Variants in TMEM132C observed in about 807,000 individuals in gnomAD.
TMEM132C encodes the protein transmembrane protein 132C, also known as protein phosphatase 1, regulatory subunit 152.
A neutral mutation model predicts 61.4 loss-of-function variants in TMEM132C; 29 were observed. The observed-to-expected ratio is 0.47, with a 90% confidence interval of 0.35 to 0.64. TMEM132C has a LOEUF of 0.64. Ranked by LOEUF, TMEM132C falls within the 30% of genes least tolerant of loss-of-function variation. The pLI is 0.00. For missense variants in TMEM132C, 1,408 were observed against 1,476.9 expected (o/e 0.95, Z 0.76); for synonymous variants, 656 against 633.1 (o/e 1.04, Z -0.54).
intron 1 of TMEM132C, among the ~76,000 whole-genome samples, chr12:128,398,741 T>C (rs1875047735): frequency 6.6e-6 from 1 of 152,132 alleles, no homozygotes; most frequent in South Asian, 2.1e-4. Context: ...ATAGGGATGT[T>C]GAAAGTACAA....
intron 2 of TMEM132C, among the ~76,000 whole-genome samples, chr12:128,464,279 G>C (rs976608537): frequency 6.6e-6 from 1 of 152,156 alleles, no homozygotes; most frequent in Non-Finnish European, 1.5e-5. Flanking sequence ...ACACCAGCAC[G>C]GCAAGGACTG....
At chr12:128,445,997 G>A (rs532022855) in intron 2 of TMEM132C, among the ~76,000 whole-genome samples, 1 of 152,284 alleles carries the variant, frequency 6.6e-6, no homozygotes, top group African/African-American at 2.4e-5. Flanking sequence ...TCATCATGCG[G>A]CATTTTCCTT....
intron 4 of TMEM132C, among the ~76,000 whole-genome samples, chr12:128,648,232 A>T (rs1376782248): frequency 6.6e-6 from 1 of 150,562 alleles, no homozygotes; most frequent in African/African-American, 2.5e-5. Flanking sequence ...ACTAGATCCC[A>T]TCAGTGTTGG....
In TMEM132C at chr12:128,570,616, C is replaced by T. The variant is rs1874844310; in HGVS notation, c.1121+26513C>T. Among the ~76,000 whole-genome samples the T allele has an allele frequency of 6.6e-6, 1 of 152,078 alleles. No individual in the cohort carries two copies. Among genetic ancestry groups the T allele is most frequent in the African/African-American group, 2.4e-5 (1 of 41,394 alleles). On this transcript the variant is annotated intron_variant, in intron 3 of 8. Transcript: ENST00000435159. The surrounding 1 kb of genome is among the most constrained non-coding windows in gnomAD (Gnocchi z 4.7). ...TAGGCTGTGGCTGGCTCAGTGTCTC[C>T]ACAACGCCAGGGGACCCAGGCTCCT...
At chr12:128,629,710 G>A (rs1954049703) in intron 4 of TMEM132C, among the ~76,000 whole-genome samples, 1 of 152,178 alleles carries the variant, frequency 6.6e-6, no homozygotes, top group Non-Finnish European at 1.5e-5. Context: ...GCTCACGCCT[G>A]TAATCCCAGC....
chr12:128,558,634 G>A (rs958837229), intron 3 of TMEM132C, among the ~76,000 whole-genome samples: 1 of 152,244 alleles, frequency 6.6e-6, no homozygotes, highest in Non-Finnish European at 1.5e-5. Flanking sequence ...CAACCACTGA[G>A]CTATACTGCC....
intron 2 of TMEM132C, among the ~76,000 whole-genome samples, chr12:128,471,254 ATCGCCC>A (rs1025816478): frequency 2.6e-5 from 4 of 152,186 alleles, no homozygotes; most frequent in Non-Finnish European, 4.4e-5. Flanking sequence ...TTGGGGGAAA[ATCGCCC>A]TCAGTGGACA....
intron 2 of TMEM132C, among the ~76,000 whole-genome samples, chr12:128,465,771 AAGGTGC>A (rs1252919951): frequency 2.0e-5 from 3 of 152,206 alleles, no homozygotes; most frequent in African/African-American, 7.2e-5. Context: ...GCCACGCGTT[AAGGTGC>A]AGAACCTGAC....
At chr12:128,325,553 G>C (rs781451056) in intron 1 of TMEM132C, among the ~76,000 whole-genome samples, 6 of 152,124 alleles carry the variant, frequency 3.9e-5, no homozygotes, top group Non-Finnish European at 8.8e-5. Flanking sequence ...TATATACAGA[G>C]TGTATATTCT....
At chr12:128,596,166 G>A (rs1381830679) in intron 3 of TMEM132C, among the ~76,000 whole-genome samples, 4 of 149,720 alleles carry the variant, frequency 2.7e-5, no homozygotes, top group East Asian at 4.0e-4. Flanking sequence ...GAGGTGGCAC[G>A]GCTTGACTGA....
At chr12:128,690,123 C>A (rs755776327) in intron 5 of TMEM132C, among the ~76,000 whole-genome samples, 6 of 152,164 alleles carry the variant, frequency 3.9e-5, no homozygotes, top group Admixed American at 3.9e-4. Context: ...CTCACGTGAC[C>A]CCACCGTCCC....
chr12:128,536,511 C>G (rs956340721), intron 2 of TMEM132C, among the ~76,000 whole-genome samples: 5 of 145,782 alleles, frequency 3.4e-5, no homozygotes, highest in Middle Eastern at 3.2e-3. Context: ...CACGTGTACC[C>G]TAGAACTTAA....
At chr12:128,586,718 G>A (rs7308378) in intron 3 of TMEM132C, among the ~76,000 whole-genome samples, 1 of 152,194 alleles carries the variant, frequency 6.6e-6, no homozygotes. Context: ...AAGCCAGCAC[G>A]GGAAGGAAGA....
At chr12:128,604,628 A>AAGAT (rs1242637712) in intron 3 of TMEM132C, among the ~76,000 whole-genome samples, 1 of 152,086 alleles carries the variant, frequency 6.6e-6, no homozygotes, top group Non-Finnish European at 1.5e-5. Flanking sequence ...AAATGGATGG[A>AAGAT]AGATAGATAA....
intron 1 of TMEM132C, among the ~76,000 whole-genome samples, chr12:128,413,845 A>AT (rs1177964115): frequency 1.3e-5 from 2 of 152,036 alleles, no homozygotes; most frequent in Non-Finnish European, 2.9e-5. Context: ...TGTAATGCAA[A>AT]TTTTTTAATT....
intron 1 of TMEM132C, among the ~76,000 whole-genome samples, chr12:128,411,653 T>C (rs1042107430): frequency 6.6e-6 from 1 of 152,174 alleles, no homozygotes; most frequent in African/African-American, 2.4e-5. Context: ...TTTCTTTTAG[T>C]GAAGAATGGT....
chr12:128,279,211 T>A (rs1430154731), intron 1 of TMEM132C, among the ~76,000 whole-genome samples: 1 of 152,160 alleles, frequency 6.6e-6, no homozygotes, highest in Non-Finnish European at 1.5e-5. Context: ...CTCCATTCCT[T>A]GAAGATAATG....
chr12:128,505,689 C>T (rs1207927483), intron 2 of TMEM132C, among the ~76,000 whole-genome samples: 1 of 152,222 alleles, frequency 6.6e-6, no homozygotes, highest in Non-Finnish European at 1.5e-5. Flanking sequence ...TGCTTGACTA[C>T]TCCTCTGCTC....
intron 2 of TMEM132C, among the ~76,000 whole-genome samples, chr12:128,428,123 C>T (rs1357274737): frequency 1.3e-5 from 2 of 152,152 alleles, no homozygotes; most frequent in Non-Finnish European, 2.9e-5. Context: ...GCCATGCAAT[C>T]CTCTCAACAA....
Sources: gnomAD v4.1 joint callset for allele counts (sites outside exome capture counted in the v4.1 genomes callset) on GRCh38, gnomAD v4.1.1 for gene constraint, Gnocchi (gnomAD v3.1) non-coding constraint, MANE v1.5 for transcripts, NCBI Gene and HGNC (gene_info 2026-07-23, HGNC 2026-07-21) for gene names.